SLC37A1: variants seen among roughly 807,000 people sequenced by gnomAD.
SLC37A1 encodes solute carrier family 37 member 1.
SLC37A1 carries 49 observed loss-of-function variants against 75.3 expected under a neutral mutation model. The ratio of observed to expected loss-of-function variants is 0.65; its 90% CI spans 0.52 to 0.83. The LOEUF (loss-of-function observed/expected upper bound fraction) is 0.83. Among genes scored for constraint, SLC37A1 ranks in the 40% least tolerant of loss-of-function variants. The pLI, the probability that SLC37A1 is intolerant of heterozygous loss-of-function variation, is 0.00. For synonymous variants in SLC37A1, 268 were observed against 292.1 expected (o/e 0.92, Z 0.84); for missense variants, 566 against 695.0 (o/e 0.81, Z 2.09).
At chr21:42,505,597 G>T (rs139661041) in intron 2 of SLC37A1, among the ~76,000 whole-genome samples, 229 of 152,284 alleles carry the variant, frequency 1.5e-3, no homozygotes, top group African/African-American at 5.1e-3. Flanking sequence ...AGTCAACCTA[G>T]ATCCTTGTGG....
intron 10 of SLC37A1, 108 bp from the exon 11 acceptor site, chr21:42,558,850 A>C: frequency 1.4e-6 from 2 of 1,413,222 alleles, no homozygotes; most frequent in East Asian, 4.8e-5. Context: ...AGGCAGTGGA[A>C]GAGAGAGCCG....
intron 2 of SLC37A1, among the ~76,000 whole-genome samples, chr21:42,522,486 C>T (rs536892805): frequency 4.6e-5 from 7 of 152,218 alleles, no homozygotes; most frequent in South Asian, 2.1e-4. Context: ...GTGGCTGCCG[C>T]GGTTTAGCAA....
chr21:42,547,337 C>G lies in SLC37A1; in HGVS notation c.768+197C>G, dbSNP rs941009697. 6.6e-6 allele frequency: 4 copies of G among 603,540 alleles called. No individual in the cohort carries two copies. Among genetic ancestry groups the G allele is most frequent in the Non-Finnish European group, 1.2e-5 (4 of 340,526 alleles). The allele number at this position is 603,540 out of a possible 1,614,324, so 37.4% of individuals were successfully genotyped here. ...TGATAATAACCTTATCAGCAAAACCCAGACAAGAGGTTCAATGCTGTCCAG... is the reference window on the plus strand; with the variant it reads ...TGATAATAACCTTATCAGCAAAACCGAGACAAGAGGTTCAATGCTGTCCAG... On this transcript the variant is annotated intron_variant, in intron 9 of 19. Coordinates refer to ENST00000352133, the MANE Select transcript of SLC37A1 (RefSeq NM_001320537.2). The surrounding 1 kb of genome is among the most constrained non-coding windows in gnomAD (Gnocchi z 6.1).
chr21:42,570,246 C>T (rs866734743), intron 17 of SLC37A1, among the ~76,000 whole-genome samples: 1,820 of 116,836 alleles, frequency 0.016, 222 homozygotes, highest in African/African-American at 0.055. Context: ...ATGTGACACA[C>T]GGCCTGGTTC....
chr21:42,500,589 G>C (rs1460436065), intron 1 of SLC37A1, among the ~76,000 whole-genome samples: 1 of 152,124 alleles, frequency 6.6e-6, no homozygotes, highest in African/African-American at 2.4e-5. Context: ...AGTATGTTTG[G>C]GGGGGAATTT....
intron 8 of SLC37A1, 114 bp from the exon 9 acceptor site, chr21:42,546,989 C>CCG: frequency 8.2e-7 from 1 of 1,215,138 alleles, no homozygotes; most frequent in South Asian, 1.3e-5. Context: ...ATCCTGCATA[C>CCG]AGTCCAGTTT....
chr21:42,563,897 T>C lies in SLC37A1; in HGVS notation c.1135+20T>C, dbSNP rs1302837905. 8.7e-6 allele frequency: 14 copies of C among 1,613,968 alleles called. No individual in the cohort carries two copies. The highest frequency in any genetic ancestry group is 3.3e-5 in the Admixed American group (2 of 60,024). On this transcript the variant is annotated intron_variant, in intron 13 of 19. Coordinates refer to ENST00000352133, the MANE Select transcript of SLC37A1 (RefSeq NM_001320537.2). ...TCTTTGGTGAGTTCATTAAGACTTGTTCTGCTGCAACAATAATTTCGCAAG... is the reference window on the plus strand; with the variant it reads ...TCTTTGGTGAGTTCATTAAGACTTGCTCTGCTGCAACAATAATTTCGCAAG...
chr21:42,504,634 C>T (rs530227117), intron 2 of SLC37A1, among the ~76,000 whole-genome samples: 26 of 152,164 alleles, frequency 1.7e-4, no homozygotes, highest in Non-Finnish European at 2.9e-4. Flanking sequence ...GCAAGACAGG[C>T]GTCTTACTCC....
In SLC37A1 at chr21:42,576,186, G is replaced by A. The variant is rs184852023; in HGVS notation, c.1521+1271G>A. Among the ~76,000 whole-genome samples, 93 of 152,080 alleles carry A rather than the reference G, an allele frequency of 6.1e-4. 1 individual carries two copies. Among genetic ancestry groups the A allele is most frequent in the African/African-American group, 2.1e-3 (86 of 41,450 alleles). On this transcript the variant is annotated intron_variant, in intron 18 of 19. Transcript: ENST00000352133. ...ATGAAGATTTGGAACTGGAGACTTC[G>A]TCATAGAGCCAGGACCCTCGAAGAG...
intron 6 of SLC37A1, among the ~76,000 whole-genome samples, chr21:42,540,903 C>T (rs752508574): frequency 6.6e-6 from 1 of 152,176 alleles, no homozygotes; most frequent in Non-Finnish European, 1.5e-5. Context: ...TCCAGAGTCC[C>T]AGCATGTTTC....
At chr21:42,515,288 GAA>G (rs1208193831) in intron 1 of SLC37A1, among the ~76,000 whole-genome samples, 1 of 151,988 alleles carries the variant, frequency 6.6e-6, no homozygotes, top group Non-Finnish European at 1.5e-5. Flanking sequence ...TTAAAAAAAA[GAA>G]AAGAAAAAAT....
At chr21:42,554,406 G>A (rs1284885218) in intron 10 of SLC37A1, among the ~76,000 whole-genome samples, 3 of 152,176 alleles carry the variant, frequency 2.0e-5, no homozygotes, top group Non-Finnish European at 4.4e-5. Context: ...TGTTGGGGGC[G>A]GTGCTGGTGT....
At position 42,574,925 on chromosome 21, in the gene SLC37A1, C is replaced by T; in HGVS notation, c.1521+10C>T. 1.9e-6 allele frequency: 3 copies of T among 1,613,910 alleles called. No homozygotes were observed. Among genetic ancestry groups the T allele is most frequent in the Non-Finnish European group, 2.5e-6 (3 of 1,179,884 alleles). Reference sequence around the variant, plus strand: ...TGCCTGTGCCTTACTGGTAAGTCGGCCTATTTTTAGTCCAATCCACCTTGA... The same window carrying T: ...TGCCTGTGCCTTACTGGTAAGTCGGTCTATTTTTAGTCCAATCCACCTTGA... On this transcript the variant is annotated intron_variant, in intron 18 of 19. Coordinates refer to ENST00000352133, the MANE Select transcript of SLC37A1 (RefSeq NM_001320537.2).
Position 42,513,988 on chromosome 21 carries a change from C to CGG in SLC37A1, c.-905_-904dup, listed in dbSNP as rs918059561. The stretch of plus-strand genomic sequence containing the variant: ...CCCCCCGCCCCCCCGCCCGCACCTG[C>CGG]GGGGCAGCCGGCGCTCAGGCGCCGC... On this transcript the variant is annotated 5_prime_UTR_variant, in exon 1 of 20. Transcript: ENST00000352133. 6 of 147,234 alleles carry CGG rather than the reference C, an allele frequency of 4.1e-5. No individual in the cohort carries two copies. Among genetic ancestry groups the CGG allele is most frequent in the Admixed American group, 2.7e-4 (4 of 14,902 alleles). The allele number at this position is 147,234 out of a possible 1,614,324, so 9.1% of individuals were successfully genotyped here.
chr21:42,580,188 T>TATCCAGC (rs1569053081), intron 19 of SLC37A1, among the ~76,000 whole-genome samples, 157 bp from the exon 20 acceptor site: 1 of 152,098 alleles, frequency 6.6e-6, no homozygotes, highest in African/African-American at 2.4e-5. Flanking sequence ...TGCAAGGGTT[T>TATCCAGC]ATCCAGCATC....
intron 11 of SLC37A1, among the ~76,000 whole-genome samples, chr21:42,559,784 G>A (rs1487274450): frequency 6.6e-6 from 1 of 151,902 alleles, no homozygotes; most frequent in Non-Finnish European, 1.5e-5. Context: ...GCTGAGGCGG[G>A]AGAATCGCTT....
In SLC37A1 at chr21:42,570,211, CA is replaced by C. The variant is rs1569041479; in HGVS notation, c.1423+1774del. Among the ~76,000 whole-genome samples the C allele has an allele frequency of 1.1e-4, 13 of 114,616 alleles. 1 individual carries two copies. Among genetic ancestry groups the C allele is most frequent in the African/African-American group, 1.9e-4 (5 of 26,968 alleles). 75.2% of individuals were successfully genotyped at this position (114,616 alleles called of 152,430 possible). A position where few individuals can be genotyped will look rare whatever the true frequency, so the allele number is the denominator to read the frequency against. On this transcript the variant is annotated intron_variant, in intron 17 of 19. Transcript: ENST00000352133. ...CACATGGCCTGGTTCTGAGAAGCGG[CA>C]GGCAGGGTGGCCGTTGCCATGTCAT...
At chr21:42,566,816 CTTAGGGAGGGTAT>C (rs997794469) in intron 15 of SLC37A1, among the ~76,000 whole-genome samples, 156 bp from the exon 16 acceptor site, 2 of 152,222 alleles carry the variant, frequency 1.3e-5, no homozygotes, top group African/African-American at 4.8e-5. Context: ...GAGCCTGAGT[CTTAGGGAGGGTAT>C]GATTTGCTTT....
chr21:42,575,570 TC>T, intron 18 of SLC37A1: 2 of 985,320 alleles, frequency 2.0e-6, no homozygotes, highest in Non-Finnish European at 2.4e-6. Flanking sequence ...GATGTCACAG[TC>T]ACATAGATGT....
Sources: gnomAD v4.1 joint callset for allele counts (sites outside exome capture counted in the v4.1 genomes callset) on GRCh38, gnomAD v4.1.1 for gene constraint, Gnocchi (gnomAD v3.1) non-coding constraint, MANE v1.5 for transcripts, NCBI Gene and HGNC (gene_info 2026-07-23, HGNC 2026-07-21) for gene names.